NBAS: variants seen among roughly 807,000 people sequenced by gnomAD.
NBAS encodes the protein NBAS subunit of NRZ tethering complex.
A neutral mutation model predicts 302.5 loss-of-function variants in NBAS; 219 were observed. The observed-to-expected ratio is 0.72, with a 90% CI of 0.65 to 0.81. The LOEUF is 0.81. NBAS is among the 30% of genes least tolerant of loss of function. The pLI is 0.00. For missense variants in NBAS, 2,932 were observed against 2,841.6 expected, an observed-to-expected ratio of 1.03 and a Z score of -0.72; for synonymous variants, 1,118 against 1,021.6, an observed-to-expected ratio of 1.09 and a Z score of -1.80.
chr2:15,125,108 A>T, the NBAS span, among the ~76,000 whole-genome samples: 2 of 152,222 alleles, frequency 1.3e-5, no homozygotes, highest in African/African-American at 4.8e-5. Flanking sequence ...GAGCAGCTAC[A>T]TGGGCTATAT....
intron 19 of NBAS, among the ~76,000 whole-genome samples, chr2:15,466,929 C>T (rs1241371715): frequency 9.4e-6 from 1 of 106,498 alleles, no homozygotes; most frequent in Non-Finnish European, 2.1e-5. Context: ...AGAGTGAGAT[C>T]CTATCTCAAA....
At chr2:14,841,968 A>T in the NBAS span, among the ~76,000 whole-genome samples, 770 of 152,148 alleles carry the variant, frequency 5.1e-3, 5 homozygotes, top group African/African-American at 0.017. Flanking sequence ...ACAATTCAAA[A>T]AAAATAAAAT....
chr2:15,429,266 T>C (rs1047132863), intron 21 of NBAS, among the ~76,000 whole-genome samples: 1 of 152,108 alleles, frequency 6.6e-6, no homozygotes. Flanking sequence ...AACAACTAAA[T>C]CATTCTGAAT....
the NBAS span, among the ~76,000 whole-genome samples, chr2:15,107,140 T>C: frequency 1.3e-5 from 2 of 152,108 alleles, no homozygotes; most frequent in Admixed American, 6.6e-5. Context: ...ATAGGGTTCT[T>C]AGGAGACAAT....
At chr2:15,335,174 T>TA (rs34790746) in intron 35 of NBAS, among the ~76,000 whole-genome samples, 6,358 of 117,148 alleles carry the variant, frequency 0.054, 487 homozygotes, top group African/African-American at 0.17. Context: ...TCATCTCTCT[T>TA]AAAAAAAAAA....
chr2:15,157,869 C>G, the NBAS span, among the ~76,000 whole-genome samples: 1 of 152,150 alleles, frequency 6.6e-6, no homozygotes, highest in African/African-American at 2.4e-5. Flanking sequence ...GTGTCCTCCT[C>G]TGTAAAATGA....
intron 25 of NBAS, among the ~76,000 whole-genome samples, chr2:15,412,823 C>T (rs1013548079): frequency 1.3e-5 from 2 of 151,298 alleles, no homozygotes; most frequent in African/African-American, 4.9e-5. Context: ...AGGTAACTAT[C>T]ACAAAAAAAT....
At chr2:14,798,208 T>C in the NBAS span, among the ~76,000 whole-genome samples, 1 of 152,200 alleles carries the variant, frequency 6.6e-6, no homozygotes, top group East Asian at 1.9e-4. Context: ...ACTAGTAGGT[T>C]TGATGTTACT....
At chr2:15,449,095 A>C (rs1398231945) in intron 21 of NBAS, among the ~76,000 whole-genome samples, 1 of 152,206 alleles carries the variant, frequency 6.6e-6, no homozygotes, top group Non-Finnish European at 1.5e-5. Context: ...CTTCTTTTTA[A>C]GAGAACACAT....
the NBAS span, among the ~76,000 whole-genome samples, chr2:15,105,459 CA>C: frequency 1.2e-3 from 163 of 138,590 alleles, no homozygotes; most frequent in South Asian, 9.2e-4. Flanking sequence ...TGACTACTTA[CA>C]AAAAAAAAAA....
intron 7 of NBAS, among the ~76,000 whole-genome samples, chr2:15,538,832 T>C (rs1663651794): frequency 6.6e-6 from 1 of 152,186 alleles, no homozygotes; most frequent in African/African-American, 2.4e-5. Flanking sequence ...AGTATACAAA[T>C]ACAAATTACT....
chr2:15,327,053 A>G (rs1187925969), intron 38 of NBAS, among the ~76,000 whole-genome samples: 3 of 82,476 alleles, frequency 3.6e-5, no homozygotes, highest in Admixed American at 1.4e-4. Flanking sequence ...GTAATACAAT[A>G]AAAAGTAATA....
chr2:15,417,772 G>C (rs1303595662), intron 23 of NBAS, 60 bp from the exon 24 acceptor site: 1 of 1,494,082 alleles, frequency 6.7e-7, no homozygotes, highest in Non-Finnish European at 9.2e-7. Context: ...CTATTCTAAA[G>C]TAAAAGTCTC....
chr2:15,331,103 G>A (rs185040348), intron 35 of NBAS, among the ~76,000 whole-genome samples: 3 of 152,144 alleles, frequency 2.0e-5, no homozygotes, highest in Admixed American at 2.0e-4. Flanking sequence ...ACTCATATTT[G>A]TTTCCTTGAC....
chr2:15,026,134 T>C, the NBAS span, among the ~76,000 whole-genome samples: 2 of 151,474 alleles, frequency 1.3e-5, no homozygotes, highest in Non-Finnish European at 2.9e-5. Flanking sequence ...TTGAGAGTTT[T>C]TAACATGAAG....
At chr2:15,107,828 C>T in the NBAS span, among the ~76,000 whole-genome samples, 4 of 152,016 alleles carry the variant, frequency 2.6e-5, no homozygotes, top group African/African-American at 7.3e-5. Context: ...TCCTTTGTGC[C>T]CCTTCCCAAT....
At chr2:14,949,883 G>A in the NBAS span, among the ~76,000 whole-genome samples, 1 of 152,168 alleles carries the variant, frequency 6.6e-6, no homozygotes, top group Non-Finnish European at 1.5e-5. Context: ...GGCTACCAGA[G>A]TCTTGGAAGG....
intron 21 of NBAS, among the ~76,000 whole-genome samples, chr2:15,449,857 G>A (rs1005429617): frequency 2.6e-5 from 4 of 152,152 alleles, no homozygotes; most frequent in Admixed American, 2.6e-4. Context: ...CTTTTTCCAA[G>A]TCAGAAATAC....
the NBAS span, among the ~76,000 whole-genome samples, chr2:14,845,377 G>T: frequency 6.6e-6 from 1 of 152,138 alleles, no homozygotes; most frequent in South Asian, 2.1e-4. Flanking sequence ...TAAAGATATG[G>T]CTTATATCAC....
Sources: allele counts gnomAD v4.1 joint callset (sites outside exome capture counted in the v4.1 genomes callset), GRCh38; gene constraint gnomAD v4.1.1; transcripts MANE v1.5; gene names NCBI Gene and HGNC (gene_info 2026-07-23, HGNC 2026-07-21).